Variants in NBEA observed in about 807,000 individuals in gnomAD.
NBEA encodes the protein lysosomal-trafficking regulator 2.
NBEA carries 44 observed loss-of-function variants against 343.4 expected under a neutral mutation model. That is an observed-to-expected ratio of 0.13 (90% CI 0.10 to 0.16). NBEA has a LOEUF of 0.16. Ranked by LOEUF, NBEA falls within the 10% of genes least tolerant of loss-of-function variation. NBEA has a pLI of 1.00. For missense variants in NBEA, 2,555 were observed against 3,631.3 expected, an observed-to-expected ratio of 0.70 and a Z score of 7.62; for synonymous variants, 1,175 against 1,238.7, an observed-to-expected ratio of 0.95 and a Z score of 1.08.
At chr13:35,054,638 C>CTTTTTTTTTTTTT (rs2063182278) in intron 6 of NBEA, among the ~76,000 whole-genome samples, 1 of 130,122 alleles carries the variant, frequency 7.7e-6, no homozygotes, top group African/African-American at 2.8e-5. Flanking sequence ...TTTCTGTTTT[C>CTTTTTTTTTTTTT]TTTTCTTTTT....
At position 35,171,469 on chromosome 13, in the gene NBEA, A is replaced by G. The variant is rs1028324380; in HGVS notation, c.4423+17A>G. On this transcript the variant is annotated intron_variant, in intron 26 of 58. Transcript: ENST00000379939. The stretch of plus-strand genomic sequence containing the variant: ...TAAGATTAGGTAAGTCTGTTAAAAC[A>G]ATAGTGCATGTCAAATAATTATCTA... 1.3e-6 allele frequency: 2 copies of G among 1,592,424 alleles called. No homozygotes were observed. Among genetic ancestry groups the G allele is most frequent in the African/African-American group, 1.3e-5 (1 of 74,384 alleles).
intron 38 of NBEA, among the ~76,000 whole-genome samples, chr13:35,354,834 C>G (rs1041300567): frequency 5.3e-5 from 8 of 152,052 alleles, no homozygotes; most frequent in African/African-American, 1.9e-4. Context: ...TTTATTATTC[C>G]AAGTCCAGAT....
At chr13:35,157,628 A>C (rs2069262272) in intron 21 of NBEA, among the ~76,000 whole-genome samples, 1 of 152,104 alleles carries the variant, frequency 6.6e-6, no homozygotes, top group African/African-American at 2.4e-5. Context: ...TTTTTTAAGA[A>C]GTCAGATTTT....
intron 1 of NBEA, among the ~76,000 whole-genome samples, chr13:34,991,731 A>G (rs1472719622): frequency 6.6e-6 from 1 of 152,192 alleles, no homozygotes; most frequent in Non-Finnish European, 1.5e-5. Context: ...ATGTTTACCA[A>G]TATGCATGCC....
intron 41 of NBEA, among the ~76,000 whole-genome samples, chr13:35,550,222 G>A (rs753716671): frequency 3.9e-5 from 6 of 152,110 alleles, no homozygotes; most frequent in Admixed American, 1.3e-4. Context: ...AGACCCAAAA[G>A]TGATAATATA....
chr13:34,980,330 C>T (rs2060315006), intron 1 of NBEA, among the ~76,000 whole-genome samples: 2 of 151,964 alleles, frequency 1.3e-5, no homozygotes, highest in South Asian at 4.1e-4. Flanking sequence ...GTCTTCAAAT[C>T]ATTAGTATCA....
chr13:35,453,065 G>C (rs2046385546), intron 40 of NBEA, among the ~76,000 whole-genome samples: 1 of 152,184 alleles, frequency 6.6e-6, no homozygotes, highest in Non-Finnish European at 1.5e-5. Context: ...GGTGGCAATA[G>C]AGAGGTGGAC....
In NBEA at chr13:35,046,132, G is replaced by A. The variant is rs115586262; in HGVS notation, c.723+731G>A. 9.9e-3 allele frequency among the ~76,000 whole-genome samples: 1,503 copies of A among 152,056 alleles called. 29 individuals carry two copies. Among genetic ancestry groups the A allele is most frequent in the African/African-American group, 0.034 (1,408 of 41,480 alleles). ...TTTATTCTGTTCTCTCTTTTTTTGAGTAGTATGGCATTTTATGGATATACC... is the reference window on the plus strand; with the variant it reads ...TTTATTCTGTTCTCTCTTTTTTTGAATAGTATGGCATTTTATGGATATACC... On this transcript the variant is annotated intron_variant, in intron 4 of 58. Coordinates refer to ENST00000379939, the MANE Select transcript of NBEA (RefSeq NM_001385012.1).
intron 38 of NBEA, among the ~76,000 whole-genome samples, chr13:35,376,915 G>T (rs888807085): frequency 1.3e-5 from 2 of 152,078 alleles, no homozygotes; most frequent in Non-Finnish European, 2.9e-5. Context: ...CTATTGAGAG[G>T]CCCTGTCCCA....
intron 45 of NBEA, among the ~76,000 whole-genome samples, chr13:35,571,083 G>C (rs142790922): frequency 1.6e-3 from 249 of 152,242 alleles, no homozygotes; most frequent in Middle Eastern, 3.4e-3. Context: ...CAAACACTGG[G>C]ACTCCTGATC....
At chr13:35,148,686 CT>C (rs1566364739) in intron 18 of NBEA, among the ~76,000 whole-genome samples, 1 of 152,110 alleles carries the variant, frequency 6.6e-6, no homozygotes, top group Non-Finnish European at 1.5e-5. Context: ...TCTTGTCCAG[CT>C]TTTTGCACTT....
intron 48 of NBEA, among the ~76,000 whole-genome samples, chr13:35,625,321 A>T (rs1285419870): frequency 6.6e-6 from 1 of 152,186 alleles, no homozygotes; most frequent in Non-Finnish European, 1.5e-5. Context: ...CTCTTATCTA[A>T]AATATATAAA....
At chr13:35,025,429 T>G (rs778891617) in intron 1 of NBEA, among the ~76,000 whole-genome samples, 1 of 152,178 alleles carries the variant, frequency 6.6e-6, no homozygotes, top group Non-Finnish European at 1.5e-5. Flanking sequence ...AGGGAGTCCT[T>G]TCCTCATTGC....
At chr13:35,057,058 CT>C (rs1181691154) in intron 7 of NBEA, among the ~76,000 whole-genome samples, 1 of 152,120 alleles carries the variant, frequency 6.6e-6, no homozygotes, top group African/African-American at 2.4e-5. Context: ...GGTTTCTCTA[CT>C]TTGGGCTTTC....
chr13:35,226,476 A>C (rs765528694), intron 33 of NBEA, among the ~76,000 whole-genome samples: 1 of 152,076 alleles, frequency 6.6e-6, no homozygotes, highest in Non-Finnish European at 1.5e-5. Flanking sequence ...AAATATACGA[A>C]ATATTGTATT....
At chr13:34,968,054 G>A (rs1489189591) in intron 1 of NBEA, among the ~76,000 whole-genome samples, 1 of 152,072 alleles carries the variant, frequency 6.6e-6, no homozygotes, top group African/African-American at 2.4e-5. Flanking sequence ...TCACTAGAAT[G>A]ACTCAGAGTT....
intron 34 of NBEA, chr13:35,251,557 A>G: frequency 8.4e-7 from 1 of 1,185,462 alleles, no homozygotes; most frequent in Non-Finnish European, 1.1e-6. Context: ...GATGCATGTG[A>G]CCTTCAGGAA....
chr13:35,168,982 T>C lies in NBEA; in HGVS notation c.4234-5T>C. ...TGTTGTCTGTTTTGTCTAATGCATG[T>C]CCAGGGTTCTAAGGTTAGTATTACT... is the stretch of plus-strand genomic sequence containing the variant. On this transcript the variant is annotated splice_polypyrimidine_tract_variant and splice_region_variant and intron_variant, in intron 24 of 58. Coordinates refer to ENST00000379939, the MANE Select transcript of NBEA (RefSeq NM_001385012.1). The C allele has an allele frequency of 1.3e-6, 2 of 1,491,304 alleles. No homozygotes were observed. Among genetic ancestry groups the C allele is most frequent in the Non-Finnish European group, 1.8e-6 (2 of 1,122,218 alleles). The allele number at this position is 1,491,304 out of a possible 1,614,324, so 92.4% of individuals were successfully genotyped here. A position where few individuals can be genotyped will look rare whatever the true frequency, so the allele number is the denominator to read the frequency against.
intron 53 of NBEA, among the ~76,000 whole-genome samples, chr13:35,652,599 CCACTG>C (rs1478397783): frequency 6.8e-6 from 1 of 146,576 alleles, no homozygotes; most frequent in East Asian, 2.1e-4. Flanking sequence ...CAAGATGGCA[CCACTG>C]CACTCCAGCC....
Sources: allele counts gnomAD v4.1 joint callset (sites outside exome capture counted in the v4.1 genomes callset), GRCh38; gene constraint gnomAD v4.1.1; transcripts MANE v1.5; gene names NCBI Gene and HGNC (gene_info 2026-07-23, HGNC 2026-07-21).